Variants in GLG1 observed in about 807,000 individuals in gnomAD.
GLG1 encodes golgi glycoprotein 1.
In GLG1, 38 loss-of-function variants were observed where a neutral mutation model predicts 160.5. That is an observed-to-expected ratio of 0.24 (90% CI 0.18 to 0.31). GLG1 has a LOEUF of 0.31. GLG1 is among the 10% of genes least tolerant of loss of function. The pLI is 1.00. For synonymous variants in GLG1, 644 were observed against 543.4 expected (o/e 1.19, Z -2.57); for missense variants, 1,373 against 1,505.2 (o/e 0.91, Z 1.45).
chr16:74,547,853 T>C (rs1483780180), intron 1 of GLG1, among the ~76,000 whole-genome samples: 3 of 152,242 alleles, frequency 2.0e-5, no homozygotes, highest in Non-Finnish European at 2.9e-5. Flanking sequence ...CCTTTTGATA[T>C]AAAGTATTCA....
chr16:74,472,756 G>C (rs1201885227), intron 13 of GLG1: 2 of 399,154 alleles, frequency 5.0e-6, no homozygotes, highest in African/African-American at 4.2e-5. Flanking sequence ...AATGAAAACA[G>C]GGGTAACTGA....
At chr16:74,572,562 G>A (rs574375740) in intron 1 of GLG1, among the ~76,000 whole-genome samples, 49 of 151,740 alleles carry the variant, frequency 3.2e-4, no homozygotes, top group Middle Eastern at 3.5e-3. Flanking sequence ...CCAAAGGACT[G>A]GGTTCTGAGG....
chr16:74,452,677 C>T lies in GLG1; in HGVS notation c.*490G>A. The T allele has an allele frequency of 7.0e-6, 7 of 994,792 alleles. No individual in the cohort carries two copies. The highest frequency in any genetic ancestry group is 7.2e-6 in the Non-Finnish European group (6 of 835,254). 61.6% of individuals were successfully genotyped at this position (994,792 alleles called of 1,614,324 possible). A position where few individuals can be genotyped will look rare whatever the true frequency, so the allele number is the denominator to read the frequency against. On this transcript the variant is annotated 3_prime_UTR_variant, in exon 26 of 26. Coordinates refer to ENST00000422840, the MANE Select transcript of GLG1 (RefSeq NM_001145667.2). ...GATGAACGAGACACCTCAGTCATGGCACACTGGGTGGTGTGCTTCCCCTCC... is the reference window on the plus strand; with the variant it reads ...GATGAACGAGACACCTCAGTCATGGTACACTGGGTGGTGTGCTTCCCCTCC...
intron 1 of GLG1, chr16:74,552,721 G>A (rs1185538723): frequency 5.9e-6 from 1 of 168,548 alleles, no homozygotes. Context: ...AGATTTGGTT[G>A]TGGGTGTGGT....
chr16:74,462,412 G>A (rs79447707), intron 21 of GLG1, 76 bp downstream of exon 21: 154 of 1,375,826 alleles, frequency 1.1e-4, no homozygotes, highest in Non-Finnish European at 1.5e-4. Context: ...GAGCAAGCTA[G>A]GGATTTCAAA....
chr16:74,542,754 G>GAAGGAAGGAAGGAAGGAAAGA (rs1567514021), intron 1 of GLG1, among the ~76,000 whole-genome samples: 1 of 36,308 alleles, frequency 2.8e-5, no homozygotes, highest in Non-Finnish European at 6.2e-5. Flanking sequence ...AGGAAGGAAG[G>GAAGGAAGGAAGGAAGGAAAGA]AAGGAAGGAA....
intron 4 of GLG1, among the ~76,000 whole-genome samples, chr16:74,501,167 G>A (rs892808481): frequency 1.3e-5 from 2 of 152,178 alleles, no homozygotes; most frequent in African/African-American, 2.4e-5. Context: ...AGCAAACTAC[G>A]GGTTTTAGAA....
chr16:74,520,467 T>C (rs1300162051), intron 2 of GLG1, among the ~76,000 whole-genome samples: 1 of 152,124 alleles, frequency 6.6e-6, no homozygotes, highest in Non-Finnish European at 1.5e-5. Context: ...AGAAACCCTA[T>C]CTCTACTAAG....
chr16:74,538,282 G>A (rs1276190013), intron 1 of GLG1, among the ~76,000 whole-genome samples: 2 of 151,008 alleles, frequency 1.3e-5, no homozygotes, highest in African/African-American at 4.9e-5. Flanking sequence ...GAGACACTCT[G>A]CTGCAGTATT....
chr16:74,548,996 A>G (rs1378460858), intron 1 of GLG1, among the ~76,000 whole-genome samples: 1 of 152,148 alleles, frequency 6.6e-6, no homozygotes. Context: ...CATCACCAAA[A>G]AAAAAATAAT....
intron 14 of GLG1, 84 bp from the exon 15 acceptor site, chr16:74,471,370 A>C: frequency 3.8e-6 from 3 of 794,860 alleles, no homozygotes; most frequent in South Asian, 2.9e-5. Context: ...AAATGCAAGC[A>C]AGGTTAGTTC....
At position 74,566,163 on chromosome 16, in the gene GLG1, C is replaced by A. The variant is rs376809496; in HGVS notation, c.439-34010G>T. Among the ~76,000 whole-genome samples the A allele has an allele frequency of 1.2e-4, 18 of 152,298 alleles. No individual in the cohort carries two copies. In the East Asian group the frequency reaches 3.5e-3, roughly 29 times the overall value. ...ATAACGTCAACTTTGATCACTTGGCCAAGGTTTCTCCACTGTAAAATGATT... is the reference window on the plus strand; with the variant it reads ...ATAACGTCAACTTTGATCACTTGGCAAAGGTTTCTCCACTGTAAAATGATT... On this transcript the variant is annotated intron_variant, in intron 1 of 25. Coordinates refer to ENST00000422840, the MANE Select transcript of GLG1 (RefSeq NM_001145667.2).
In GLG1 at chr16:74,471,200, A is replaced by G. The variant is rs1428986239; in HGVS notation, c.2202T>C (p.Cys734=). The G allele has an allele frequency of 6.2e-7, 1 of 1,609,612 alleles. No individual in the cohort carries two copies. The highest frequency in any genetic ancestry group is 1.3e-5 in the African/African-American group (1 of 74,962). ...GCTGGAAGTGGGTAACTCCGATGGC[A>G]CACTTCTCGTTCATGTCCTTCTGGT... is the stretch of plus-strand genomic sequence containing the variant. ...NKHQKDMNEK[C]AIGVTHFQLV... is the part of the protein sequence containing the mutation. The change falls in exon 15 of 26, where the codon TGT becomes TGC. Residue 734 remains cysteine (C), a synonymous_variant. Coordinates refer to ENST00000422840, the MANE Select transcript of GLG1 (RefSeq NM_001145667.2).
At chr16:74,602,675 T>C (rs937170594) in intron 1 of GLG1, among the ~76,000 whole-genome samples, 8 of 151,868 alleles carry the variant, frequency 5.3e-5, no homozygotes, top group Non-Finnish European at 8.8e-5. Context: ...CCCAGCTACT[T>C]GGGAGGCTGA....
chr16:74,502,944 C>G (rs958099431), intron 4 of GLG1, among the ~76,000 whole-genome samples: 1 of 151,380 alleles, frequency 6.6e-6, no homozygotes, highest in Admixed American at 6.6e-5. Context: ...CGGTGGCTCA[C>G]GTCTGTAATC....
chr16:74,478,329 A>T (rs1036450176), intron 11 of GLG1, among the ~76,000 whole-genome samples: 1 of 152,194 alleles, frequency 6.6e-6, no homozygotes, highest in African/African-American at 2.4e-5. Flanking sequence ...TAACATTATG[A>T]GATAGGACTG....
Position 74,540,044 on chromosome 16 carries a change from ATATTATATATATT to A in GLG1, c.439-7904_439-7892del. ...TATATATTATATATATTTTATATAT[ATATTATATATATT>A]TTATATATATATATTATATATATTT... is the stretch of plus-strand genomic sequence containing the variant. On this transcript the variant is annotated intron_variant, in intron 1 of 25. Coordinates refer to ENST00000422840, the MANE Select transcript of GLG1 (RefSeq NM_001145667.2). Among the ~76,000 whole-genome samples, 2 of 9,106 alleles carry A rather than the reference ATATTATATATATT, an allele frequency of 2.2e-4. 1 individual carries two copies. Among genetic ancestry groups the A allele is most frequent in the Non-Finnish European group, 3.8e-4 (2 of 5,286 alleles). The allele number at this position is 9,106 out of a possible 152,430, so 6.0% of individuals were successfully genotyped here.
At chr16:74,504,341 G>A (rs941417958) in intron 3 of GLG1, among the ~76,000 whole-genome samples, 20 of 152,282 alleles carry the variant, frequency 1.3e-4, no homozygotes, top group African/African-American at 4.8e-4. Flanking sequence ...AGGCTGGAGT[G>A]GAATGACATG....
chr16:74,484,839 A>T (rs1450634947), intron 9 of GLG1, among the ~76,000 whole-genome samples: 1 of 151,948 alleles, frequency 6.6e-6, no homozygotes, highest in Non-Finnish European at 1.5e-5. Flanking sequence ...GCTCATCTCG[A>T]ACTCTGGACC....
Sources: gnomAD v4.1 joint callset for allele counts (sites outside exome capture counted in the v4.1 genomes callset) on GRCh38, gnomAD v4.1.1 for gene constraint, MANE v1.5 for transcripts, NCBI Gene and HGNC (gene_info 2026-07-23, HGNC 2026-07-21) for gene names.